Variants in FERMT2 observed in about 807,000 individuals in gnomAD.
The protein encoded by FERMT2 is FERM domain containing kindlin 2, also known as fermitin family homolog 2.
FERMT2 carries 15 observed loss-of-function variants against 82.7 expected under a neutral mutation model. The observed-to-expected ratio is 0.18, with a 90% CI of 0.12 to 0.28. The LOEUF (loss-of-function observed/expected upper bound fraction) is 0.28. FERMT2 is among the 10% of genes least tolerant of loss of function. The pLI is 1.00. For synonymous variants in FERMT2, 274 were observed against 271.5 expected, an observed-to-expected ratio of 1.01 and a Z score of -0.09; for missense variants, 645 against 809.4, an observed-to-expected ratio of 0.80 and a Z score of 2.46.
intron 2 of FERMT2, among the ~76,000 whole-genome samples, chr14:52,939,945 G>A (rs1473863615): frequency 6.6e-6 from 1 of 152,096 alleles, no homozygotes; most frequent in Non-Finnish European, 1.5e-5. Flanking sequence ...CACTTTATTG[G>A]TGTTTTATTC....
intron 2 of FERMT2, among the ~76,000 whole-genome samples, chr14:52,924,897 T>C (rs1466967109): frequency 6.6e-6 from 1 of 152,236 alleles, no homozygotes; most frequent in Non-Finnish European, 1.5e-5. Flanking sequence ...TCAGATCATT[T>C]ATAATTATTT....
intron 3 of FERMT2, 129 bp downstream of exon 3, chr14:52,918,994 A>G: frequency 1.8e-6 from 1 of 541,950 alleles, no homozygotes; most frequent in Non-Finnish European, 3.2e-6. Flanking sequence ...ATGAAGTAGA[A>G]ATTTCACACA....
At chr14:52,908,950 A>G (rs1277831141) in intron 3 of FERMT2, among the ~76,000 whole-genome samples, 1 of 152,164 alleles carries the variant, frequency 6.6e-6, no homozygotes, top group Non-Finnish European at 1.5e-5. Flanking sequence ...CTGACCTGCC[A>G]TTTCTCAGCC....
At chr14:52,922,824 C>A (rs1245412309) in intron 2 of FERMT2, among the ~76,000 whole-genome samples, 1 of 152,192 alleles carries the variant, frequency 6.6e-6, no homozygotes, top group Non-Finnish European at 1.5e-5. Flanking sequence ...CTTTTTATGG[C>A]TCACTAGCTA....
intron 3 of FERMT2, among the ~76,000 whole-genome samples, chr14:52,918,403 A>T (rs1366621448): frequency 1.3e-5 from 2 of 152,238 alleles, no homozygotes; most frequent in Non-Finnish European, 2.9e-5. Flanking sequence ...ATTCTTTTAC[A>T]ACAGAGTGTA....
chr14:52,857,413 C>T lies in FERMT2; in HGVS notation c.*964G>A, dbSNP rs1884637734. The T allele has an allele frequency of 6.6e-6, 1 of 152,496 alleles. No individual in the cohort carries two copies. Among genetic ancestry groups the T allele is most frequent in the African/African-American group, 2.4e-5 (1 of 41,392 alleles). 9.4% of individuals were successfully genotyped at this position (152,496 alleles called of 1,614,324 possible). Reference sequence around the variant, plus strand: ...GAGCTAGGAATTTTCTGACTAGCACCAATACAGATTGTAACAGCGCAACAG... The same window carrying T: ...GAGCTAGGAATTTTCTGACTAGCACTAATACAGATTGTAACAGCGCAACAG... On this transcript the variant is annotated 3_prime_UTR_variant, in exon 15 of 15. Transcript: ENST00000341590.
In FERMT2 at chr14:52,893,397, A is replaced by G. The variant is rs1417863746; in HGVS notation, c.422T>C (p.Leu141Ser). ...CTTTGTTGGATCTCTGGGTTTCTTT[A>G]AGAGAGAAAGTTCTTCGGGGTGTCT... ...NIRHPEELSLLKKPRDPTKKK... is the reference protein window; with the variant it reads ...NIRHPEELSLSKKPRDPTKKK... Residue 141 changes from leucine to serine, a missense_variant, in exon 4 of 15, where the codon TTA (leucine) becomes TCA (serine). By Grantham distance (145) the Leu-to-Ser change is moderately radical (BLOSUM62 -2). Transcript: ENST00000341590. 7 of 1,609,916 alleles carry G rather than the reference A, an allele frequency of 4.3e-6. No homozygotes were observed. The highest frequency in any genetic ancestry group is 5.9e-6 in the Non-Finnish European group (7 of 1,178,300).
Position 52,860,413 on chromosome 14 carries a change from A to G in FERMT2, c.1655T>C (p.Ile552Thr). ...TTGAATAAATCTCATCTTGGCTTCAATTAGACTCATCTGAGCTACATTCTG... is the reference window on the plus strand; with the variant it reads ...TTGAATAAATCTCATCTTGGCTTCAGTTAGACTCATCTGAGCTACATTCTG... ...AHQNVAQMSLIEAKMRFIQAW... is the reference protein window; with the variant it reads ...AHQNVAQMSLTEAKMRFIQAW... Residue 552 changes from isoleucine to threonine, a missense_variant, in exon 13 of 15, where the codon ATT (isoleucine) becomes ACT (threonine). Physicochemically the swap from Ile to Thr is moderately conservative, Grantham distance 89 (BLOSUM62 -1). Transcript: ENST00000341590. 6.2e-7 allele frequency: 1 copy of G among 1,613,820 alleles called. No homozygotes were observed. Among genetic ancestry groups the G allele is most frequent in the Admixed American group, 1.7e-5 (1 of 60,008 alleles).
chr14:52,872,206 T>G (rs1885665538), intron 10 of FERMT2: 1 of 152,858 alleles, frequency 6.5e-6, no homozygotes, highest in Admixed American at 6.5e-5. Flanking sequence ...AAGGAAACTC[T>G]AAATGTCCTT....
At chr14:52,868,850 AGAG>A (rs1406971930) in intron 10 of FERMT2, among the ~76,000 whole-genome samples, 1 of 152,212 alleles carries the variant, frequency 6.6e-6, no homozygotes, top group African/African-American at 2.4e-5. Flanking sequence ...GTTTAGTAGA[AGAG>A]CAGCATCCAG....
At chr14:52,912,768 C>T (rs1888396152) in intron 3 of FERMT2, among the ~76,000 whole-genome samples, 1 of 151,912 alleles carries the variant, frequency 6.6e-6, no homozygotes, top group South Asian at 2.1e-4. Flanking sequence ...CCTTGGCCTC[C>T]CAAAGCGCTG....
chr14:52,950,770 G>T (rs1173084667), intron 1 of FERMT2, 151 bp downstream of exon 1: 2 of 529,152 alleles, frequency 3.8e-6, no homozygotes, highest in Non-Finnish European at 6.5e-6. Context: ...AGCGTTCCTC[G>T]GTCCCGGCGC....
chr14:52,859,624 T>C lies in FERMT2; in HGVS notation c.1818A>G (p.Thr606=), dbSNP rs771841843. 35 of 1,612,120 alleles carry C rather than the reference T, an allele frequency of 2.2e-5. No homozygotes were observed. Among genetic ancestry groups the C allele is most frequent in the Non-Finnish European group, 2.8e-5 (33 of 1,178,992 alleles). Residue 606 remains threonine, a synonymous_variant, in exon 14 of 15, where the codon ACA becomes ACG. Transcript: ENST00000341590. ...ACTGTTTCATGTTGCTGAAACGCCA[T>C]GTTTTAATTGCATCTCCAGTGCTGG... ...MDASTGDAIK[T]WRFSNMKQWN...
Position 52,881,143 on chromosome 14 carries a change from A to G in FERMT2, c.753-5T>C. On this transcript the variant is annotated splice_region_variant and splice_polypyrimidine_tract_variant and intron_variant, in intron 5 of 14. Coordinates refer to ENST00000341590, the MANE Select transcript of FERMT2 (RefSeq NM_006832.3). ...GATCTTGAGGAATCAAGCCATCTGGACAAATTAAGAACAGTGGAACAAAAC... is the reference window on the plus strand; with the variant it reads ...GATCTTGAGGAATCAAGCCATCTGGGCAAATTAAGAACAGTGGAACAAAAC... 4 of 1,610,120 alleles carry G rather than the reference A, an allele frequency of 2.5e-6. No individual in the cohort carries two copies. The highest frequency in any genetic ancestry group is 3.4e-6 in the Non-Finnish European group (4 of 1,176,732).
intron 14 of FERMT2, 99 bp downstream of exon 14, chr14:52,859,474 G>A (rs1486687093): frequency 1.8e-6 from 2 of 1,107,540 alleles, no homozygotes; most frequent in Non-Finnish European, 2.4e-6. Flanking sequence ...AAGAGGTGGT[G>A]GTACAAATAA....
intron 2 of FERMT2, among the ~76,000 whole-genome samples, chr14:52,950,203 C>T (rs765593303): frequency 6.6e-6 from 1 of 152,194 alleles, no homozygotes; most frequent in Non-Finnish European, 1.5e-5. Context: ...CGAATCATTA[C>T]ATATGAAAAT....
chr14:52,919,058 G>T, intron 3 of FERMT2, 65 bp downstream of exon 3: 5 of 1,108,848 alleles, frequency 4.5e-6, no homozygotes, highest in South Asian at 1.4e-5. Context: ...GATAAGCTAT[G>T]TCAGTCATCG....
At chr14:52,940,629 A>G (rs1890048261) in intron 2 of FERMT2, among the ~76,000 whole-genome samples, 1 of 152,202 alleles carries the variant, frequency 6.6e-6, no homozygotes, top group African/African-American at 2.4e-5. Context: ...AAAGAATCCT[A>G]ATACATTACA....
Position 52,872,928 on chromosome 14 carries a change from G to A in FERMT2, c.1149-5C>T. The A allele has an allele frequency of 6.2e-7, 1 of 1,611,978 alleles. No individual in the cohort carries two copies. Among genetic ancestry groups the A allele is most frequent in the Non-Finnish European group, 8.5e-7 (1 of 1,179,050 alleles). The stretch of plus-strand genomic sequence containing the variant: ...TTCAGAGTCAGCTTTTTTGGCCTAT[G>A]TATCAAAGAGAATTAACAACAAAAT... On this transcript the variant is annotated splice_polypyrimidine_tract_variant and splice_region_variant and intron_variant, in intron 9 of 14. Transcript: ENST00000341590.
Sources: gnomAD v4.1 joint callset for allele counts (sites outside exome capture counted in the v4.1 genomes callset) on GRCh38, gnomAD v4.1.1 for gene constraint, MANE v1.5 for transcripts, NCBI Gene and HGNC (gene_info 2026-07-23, HGNC 2026-07-21) for gene names.